The following CXCR2 variants were observed in gnomAD, a reference collection of about 807,000 sequenced individuals.
CXCR2 encodes C-X-C chemokine receptor type 2.
A neutral mutation model predicts 3.7 loss-of-function variants in CXCR2; 2 were observed. The observed-to-expected ratio is 0.55, with a 90% CI of 0.22 to 1.72. The LOEUF is 1.72. CXCR2 is among the 40% of genes most tolerant of loss of function. CXCR2 has a pLI of 0.19. For missense variants in CXCR2, 351 were observed against 450.1 expected, an observed-to-expected ratio of 0.78 and a Z score of 1.99; for synonymous variants, 203 against 193.3, an observed-to-expected ratio of 1.05 and a Z score of -0.41.
At chr2:218,128,847 CA>C (rs1297338462) in intron 1 of CXCR2, among the ~76,000 whole-genome samples, 41 of 152,266 alleles carry the variant, frequency 2.7e-4, no homozygotes, top group Non-Finnish European at 4.4e-5. Context: ...GGAACGCCAC[CA>C]GACTCACCAG....
Position 218,134,968 on chromosome 2 carries a change from C to T in CXCR2, c.167C>T (p.Ala56Val). The T allele has an allele frequency of 6.2e-7, 1 of 1,614,178 alleles. No homozygotes were observed. Among genetic ancestry groups the T allele is most frequent in the Middle Eastern group, 1.6e-4 (1 of 6,062 alleles). ...INKYFVVIIYALVFLLSLLGN... is the reference protein window; with the variant it reads ...INKYFVVIIYVLVFLLSLLGN... ...AAGTATTTTGTGGTCATTATCTATG[C>T]CCTGGTATTCCTGCTGAGCCTGCTG... Residue 56 changes from alanine to valine, a missense_variant, in exon 3 of 3, where the codon GCC (alanine) becomes GTC (valine). Ala to Val is a moderately conservative substitution (Grantham distance 64, BLOSUM62 0). Transcript: ENST00000318507.
intron 2 of CXCR2, chr2:218,130,767 C>T (rs1433177948): frequency 6.6e-6 from 1 of 152,256 alleles, no homozygotes; most frequent in Non-Finnish European, 1.5e-5. Context: ...CCAAGTCATC[C>T]TCTGTAGAGA....
chr2:218,125,663 G>C (rs907307835), upstream of CXCR2: 2 of 152,586 alleles, frequency 1.3e-5, no homozygotes, highest in Admixed American at 6.5e-5. Context: ...CAGTGGAGCA[G>C]TAGGAAGGAA....
chr2:218,132,165 T>C (rs1690664079), intron 2 of CXCR2, among the ~76,000 whole-genome samples: 1 of 152,200 alleles, frequency 6.6e-6, no homozygotes, highest in African/African-American at 2.4e-5. Context: ...TTAAAGTTTT[T>C]AGCATATTCT....
At position 218,135,057 on chromosome 2, in the gene CXCR2, T is replaced by C; in HGVS notation, c.256T>C (p.Tyr86His). 1 of 1,614,248 alleles carries C rather than the reference T, an allele frequency of 6.2e-7. No individual in the cohort carries two copies. Among genetic ancestry groups the C allele is most frequent in the African/African-American group, 1.3e-5 (1 of 75,056 alleles). ...SRVGRSVTDV[Y>H]LLNLALADLL... ...GGTCGGCCGCTCCGTCACTGATGTC[T>C]ACCTGCTGAACCTAGCCTTGGCCGA... is the stretch of plus-strand genomic sequence containing the variant. Residue 86 changes from tyrosine (Y) to histidine (H), a missense_variant, in exon 3 of 3, where the codon TAC becomes CAC. Physicochemically the swap from Tyr to His is moderately conservative, Grantham distance 83. Transcript: ENST00000318507. The surrounding 1 kb of genome is among the most constrained non-coding windows in gnomAD (Gnocchi z 4.0).
At position 218,135,451 on chromosome 2, in the gene CXCR2, C is replaced by G. The variant is rs199822657; in HGVS notation, c.650C>G (p.Ser217Cys). ...ATGCTGTTACGGATCCTGCCCCAGT[C>G]CTTTGGCTTCATCGTGCCACTGCTG... Reference protein sequence around the residue: ...WRMLLRILPQSFGFIVPLLIM... With the variant: ...WRMLLRILPQCFGFIVPLLIM... Residue 217 changes from serine to cysteine, a missense_variant, in exon 3 of 3, where the codon TCC becomes TGC. Physicochemically the swap from Ser to Cys is moderately radical, Grantham distance 112. Coordinates refer to ENST00000318507, the MANE Select transcript of CXCR2 (RefSeq NM_001557.4). The surrounding 1 kb of genome is among the most constrained non-coding windows in gnomAD (Gnocchi z 4.0). 3 of 1,614,218 alleles carry G rather than the reference C, an allele frequency of 1.9e-6. No homozygotes were observed. In the South Asian group the frequency reaches 3.3e-5, roughly 18 times the overall value.
chr2:218,129,550 T>G (rs1468788921), intron 2 of CXCR2, among the ~76,000 whole-genome samples, 185 bp downstream of exon 2: 2 of 152,030 alleles, frequency 1.3e-5, no homozygotes, highest in Non-Finnish European at 2.9e-5. Flanking sequence ...GAACTTCTGT[T>G]CCTCCTCCCT....
chr2:218,130,621 C>T (rs1327583767), intron 2 of CXCR2, among the ~76,000 whole-genome samples: 1 of 152,102 alleles, frequency 6.6e-6, no homozygotes, highest in African/African-American at 2.4e-5. Flanking sequence ...TCAGCTGATC[C>T]TCCTTGTGCC....
chr2:218,126,208 G>A lies in CXCR2; in HGVS notation c.-223G>A. On this transcript the variant is annotated 5_prime_UTR_variant, in exon 1 of 3. Coordinates refer to ENST00000318507, the MANE Select transcript of CXCR2 (RefSeq NM_001557.4). ...CCTCTGTGGGAATACCTCCCCAGGA[G>A]GGCATCCTGGATTTCCCCCTTGCAA... 6.6e-6 allele frequency: 1 copy of A among 152,328 alleles called. No homozygotes were observed. The allele number at this position is 152,328 out of a possible 1,614,324, so 9.4% of individuals were successfully genotyped here. A position where few individuals can be genotyped will look rare whatever the true frequency, so the allele number is the denominator to read the frequency against.
At position 218,130,376 on chromosome 2, in the gene CXCR2, C is replaced by T. The variant is rs17844684; in HGVS notation, c.-26+1011C>T. Among the ~76,000 whole-genome samples the T allele has an allele frequency of 6.0e-3, 912 of 152,104 alleles. 8 individuals are homozygous for T. Among genetic ancestry groups the T allele is most frequent in the African/African-American group, 0.02 (835 of 41,452 alleles). ...TGGAGGTTGCAGTGAGCCGAGATCACGCCATTGCACTCCAGCCTGGCAACA... is the reference window on the plus strand; with the variant it reads ...TGGAGGTTGCAGTGAGCCGAGATCATGCCATTGCACTCCAGCCTGGCAACA... On this transcript the variant is annotated intron_variant, in intron 2 of 2. Transcript: ENST00000318507.
Position 218,135,805 on chromosome 2 carries a change from T to G in CXCR2, c.1004T>G (p.Ile335Ser), listed in dbSNP as rs1402439377. ...AAGATTCTAGCTATACATGGCTTGA[T>G]CAGCAAGGACTCCCTGCCCAAAGAC... is the stretch of plus-strand genomic sequence containing the variant. ...LLKILAIHGL[I>S]SKDSLPKDSR... is the part of the protein sequence containing the mutation. The change falls in exon 3 of 3, where the codon ATC becomes AGC. Residue 335 changes from isoleucine (I) to serine (S), a missense_variant. Transcript: ENST00000318507. This position sits in a 1 kb window ranked among gnomAD's most constrained non-coding sequence, Gnocchi z 4.0. The G allele has an allele frequency of 6.2e-7, 1 of 1,614,148 alleles. No individual in the cohort carries two copies. Among genetic ancestry groups the G allele is most frequent in the Admixed American group, 1.7e-5 (1 of 60,014 alleles).
At chr2:218,128,811 A>G (rs921086617) in intron 1 of CXCR2, among the ~76,000 whole-genome samples, 2 of 152,196 alleles carry the variant, frequency 1.3e-5, no homozygotes, top group African/African-American at 4.8e-5. Context: ...AGTGGGGCCA[A>G]GAAGTAGAGG....
rs1690774477 is a variant in CXCR2 at position 218,135,581 on chromosome 2, C to T, written c.780C>T (p.Phe260=). The T allele has an allele frequency of 1.2e-6, 2 of 1,614,062 alleles. No individual in the cohort carries two copies. Among genetic ancestry groups the T allele is most frequent in the Admixed American group, 1.7e-5 (1 of 60,012 alleles). Residue 260 remains phenylalanine, a synonymous_variant, in exon 3 of 3, where the codon TTC becomes TTT. Transcript: ENST00000318507. This position sits in a 1 kb window ranked among gnomAD's most constrained non-coding sequence, Gnocchi z 4.0. ...TCATCTTTGCTGTCGTCCTCATCTT[C>T]CTGCTCTGCTGGCTGCCCTACAACC... ...MRVIFAVVLI[F]LLCWLPYNLV... is the part of the protein sequence containing the mutation.
At position 218,135,496 on chromosome 2, in the gene CXCR2, G is replaced by A. The variant is rs1165690812; in HGVS notation, c.695G>A (p.Gly232Glu). The change falls in exon 3 of 3, where the codon GGA becomes GAA. Residue 232 changes from glycine to glutamate, a missense_variant. Gly to Glu is a moderately conservative substitution (Grantham distance 98). Coordinates refer to ENST00000318507, the MANE Select transcript of CXCR2 (RefSeq NM_001557.4). This position sits in a 1 kb window ranked among gnomAD's most constrained non-coding sequence, Gnocchi z 4.0. ...VPLLIMLFCY[G>E]FTLRTLFKAH... ...CTGCTGATCATGCTGTTCTGCTACG[G>A]ATTCACCCTGCGTACGCTGTTTAAG... The A allele has an allele frequency of 6.2e-7, 1 of 1,614,030 alleles. No homozygotes were observed. Among genetic ancestry groups the A allele is most frequent in the Non-Finnish European group, 8.5e-7 (1 of 1,180,022 alleles).
intron 2 of CXCR2, among the ~76,000 whole-genome samples, chr2:218,129,589 C>G (rs960758500): frequency 2.6e-5 from 4 of 152,170 alleles, no homozygotes; most frequent in African/African-American, 9.7e-5. Flanking sequence ...CTCAGGGCCA[C>G]TTGCTGCCCA....
At chr2:218,130,225 A>G (rs995536678) in intron 2 of CXCR2, among the ~76,000 whole-genome samples, 2 of 152,150 alleles carry the variant, frequency 1.3e-5, no homozygotes, top group Non-Finnish European at 2.9e-5. Context: ...GTTCGAGACC[A>G]GCCCGACCAA....
At chr2:218,133,590 C>A (rs1462097083) in intron 2 of CXCR2, among the ~76,000 whole-genome samples, 1 of 152,162 alleles carries the variant, frequency 6.6e-6, no homozygotes, top group East Asian at 1.9e-4. Context: ...TGAGCCACCA[C>A]TGGGATAATA....
chr2:218,135,879 C>T lies in CXCR2; in HGVS notation c.1078C>T (p.Leu360Phe). The change falls in exon 3 of 3, where the codon CTC becomes TTC. Residue 360 changes from leucine (L) to phenylalanine (F), a missense_variant. Leu to Phe is a conservative substitution (Grantham distance 22, BLOSUM62 0). Coordinates refer to ENST00000318507, the MANE Select transcript of CXCR2 (RefSeq NM_001557.4). This position sits in a 1 kb window ranked among gnomAD's most constrained non-coding sequence, Gnocchi z 4.0. ...GSSSGHTSTT[L>F] ...TTCTTCAGGGCACACTTCCACTACT[C>T]TCTAAGACCTCCTGCCTAAGTGCAG... The T allele has an allele frequency of 6.2e-7, 1 of 1,604,736 alleles. No homozygotes were observed. Among genetic ancestry groups the T allele is most frequent in the Non-Finnish European group, 8.5e-7 (1 of 1,174,034 alleles).
chr2:218,128,815 G>A (rs1447865008), intron 1 of CXCR2, among the ~76,000 whole-genome samples: 1 of 152,196 alleles, frequency 6.6e-6, no homozygotes, highest in Non-Finnish European at 1.5e-5. Flanking sequence ...GGGCCAAGAA[G>A]TAGAGGCATC....
Sources: allele counts gnomAD v4.1 joint callset (sites outside exome capture counted in the v4.1 genomes callset), GRCh38; gene constraint gnomAD v4.1.1; non-coding constraint Gnocchi (gnomAD v3.1); transcripts MANE v1.5; gene names NCBI Gene and HGNC (gene_info 2026-07-23, HGNC 2026-07-21).